Variants in ASB11 observed in about 807,000 individuals in gnomAD.
ASB11 encodes the protein ankyrin repeat and SOCS box containing 11.
In ASB11, 17 loss-of-function variants were observed where a neutral mutation model predicts 20.1. The observed-to-expected ratio is 0.85, with a 90% CI of 0.58 to 1.27. ASB11 has a LOEUF of 1.27. Ranked by LOEUF, ASB11 falls within the 50% of genes most tolerant of loss-of-function variation. ASB11 has a pLI of 0.00. For missense variants in ASB11, 259 were observed against 256.9 expected, an observed-to-expected ratio of 1.01 and a Z score of -0.06; for synonymous variants, 107 against 105.6, an observed-to-expected ratio of 1.01 and a Z score of -0.08.
Position 15,287,880 on chromosome X carries a change from C to A in ASB11, c.847+1G>T, listed in dbSNP as rs61756318. 1 of 1,200,191 alleles carries A rather than the reference C, an allele frequency of 8.3e-7. No homozygotes were observed. The highest frequency in any genetic ancestry group is 1.8e-5 in the South Asian group (1 of 54,886). ...GGAATGGATACCCAGCCCTTGGTTACCTTCACGGAGCAAGAGTGCCTGCTC... is the reference window on the plus strand; with the variant it reads ...GGAATGGATACCCAGCCCTTGGTTAACTTCACGGAGCAAGAGTGCCTGCTC... On this transcript the variant is annotated splice_donor_variant, in intron 6 of 6. Transcript: ENST00000480796. LOFTEE classifies it high-confidence loss of function.
In ASB11 at chrX:15,288,084, A is replaced by G; in HGVS notation, c.656-12T>C. ...GTCGACACTGGCTCCTTAACAAAAC[A>G]GATGGCCACAATTCAACACTAAATG... On this transcript the variant is annotated splice_polypyrimidine_tract_variant and intron_variant, in intron 5 of 6. Coordinates refer to ENST00000480796, the MANE Select transcript of ASB11 (RefSeq NM_080873.3). 1 of 1,197,391 alleles carries G rather than the reference A, an allele frequency of 8.4e-7. No homozygotes were observed. The highest frequency in any genetic ancestry group is 1.1e-6 in the Non-Finnish European group (1 of 887,268).
chrX:15,297,567 T>TACTC lies in ASB11; in HGVS notation c.369+3_369+6dup. 1.7e-6 allele frequency: 2 copies of TACTC among 1,175,487 alleles called. No homozygotes were observed. Among genetic ancestry groups the TACTC allele is most frequent in the African/African-American group, 3.5e-5 (2 of 56,573 alleles). On this transcript the variant is annotated splice_region_variant and intron_variant, in intron 3 of 6. Transcript: ENST00000480796. ...GACAGACCCAAGTGGGCAGGGGCAG[T>TACTC]ACTCACGTGTGCACCATTTTCCAAT...
chrX:15,309,113 C>T (rs1034377397), intron 1 of ASB11, among the ~76,000 whole-genome samples: 6 of 110,861 alleles, frequency 5.4e-5, no homozygotes, highest in South Asian at 3.9e-4. Context: ...GACGGGATTT[C>T]GCCATGTTGC....
intron 4 of ASB11, among the ~76,000 whole-genome samples, chrX:15,290,478 T>C (rs1209165139): frequency 1.8e-5 from 2 of 112,327 alleles, no homozygotes; most frequent in Non-Finnish European, 3.8e-5. Context: ...AAGTCTTAAG[T>C]ATAGAATATA....
chrX:15,301,239 A>G (rs1393251910), intron 2 of ASB11, among the ~76,000 whole-genome samples: 1 of 112,059 alleles, frequency 8.9e-6, no homozygotes, highest in East Asian at 2.8e-4. Context: ...CTAGGATTAC[A>G]GGCGTGAGCC....
At chrX:15,292,393 C>T (rs577103728) in intron 4 of ASB11, among the ~76,000 whole-genome samples, 2 of 112,157 alleles carry the variant, frequency 1.8e-5, no homozygotes, top group East Asian at 5.6e-4. Flanking sequence ...TATAAGAGAA[C>T]AACTCCCTCA....
intron 6 of ASB11, among the ~76,000 whole-genome samples, chrX:15,284,207 G>T (rs561464890): frequency 9.7e-6 from 1 of 103,336 alleles, no homozygotes; most frequent in Non-Finnish European, 2.0e-5. Flanking sequence ...AGCCGAGATC[G>T]GGCCACTGCA....
In ASB11 at chrX:15,297,596, G is replaced by A. The variant is rs749467059; in HGVS notation, c.347C>T (p.Ala116Val). Residue 116 changes from alanine to valine, a missense_variant, in exon 3 of 7, where the codon GCC becomes GTC. Physicochemically the swap from Ala to Val is moderately conservative, Grantham distance 64 (BLOSUM62 0). Transcript: ENST00000480796. ...CACGTGTGCACCATTTTCCAATAAG[G>A]CTTTGGCACAGGCCACGTGACCTCC... Reference protein sequence around the residue: ...CLGGHVACAKALLENGAHVNG... With the variant: ...CLGGHVACAKVLLENGAHVNG... The A allele has an allele frequency of 5.0e-6, 6 of 1,201,976 alleles. No homozygotes were observed. The highest frequency in any genetic ancestry group is 6.7e-6 in the Non-Finnish European group (6 of 890,738).
chrX:15,307,972 G>T (rs1318709057), intron 1 of ASB11, among the ~76,000 whole-genome samples: 1 of 111,820 alleles, frequency 8.9e-6, no homozygotes, highest in Non-Finnish European at 1.9e-5. Flanking sequence ...CCACTCCCAG[G>T]GCAGGGTATG....
Position 15,287,937 on chromosome X carries a change from G to A in ASB11, c.791C>T (p.Ala264Val), listed in dbSNP as rs764279966. 1.1e-5 allele frequency: 13 copies of A among 1,211,283 alleles called. No homozygotes were observed. The South Asian group carries it at 1.9e-4, about 18-fold the overall frequency. ...GCTTTTTGGAGCCGCCAGATCAAGC[G>A]CACTTTTGCCCTGAGCATTTCTACG... ...LKRRNAQGKSALDLAAPKSSV... is the reference protein window; with the variant it reads ...LKRRNAQGKSVLDLAAPKSSV... Residue 264 changes from alanine (A) to valine (V), a missense_variant, in exon 6 of 7, where the codon GCG becomes GTG. Coordinates refer to ENST00000480796, the MANE Select transcript of ASB11 (RefSeq NM_080873.3).
chrX:15,295,538 C>G lies in ASB11; in HGVS notation c.369+2036G>C, dbSNP rs73189537. On this transcript the variant is annotated intron_variant, in intron 3 of 6. Transcript: ENST00000480796. ...CCAAGAGGATGTTTCTTTCACCAGG[C>G]CTCTGAAACTAGGAACCCAAGATGA... Among the ~76,000 whole-genome samples the G allele has an allele frequency of 1.7e-3, 190 of 111,206 alleles. 1 individual carries two copies. Among genetic ancestry groups the G allele is most frequent in the Non-Finnish European group, 3.2e-3 (168 of 53,014 alleles).
chrX:15,307,223 C>G, intron 1 of ASB11, among the ~76,000 whole-genome samples: 1 of 112,305 alleles, frequency 8.9e-6, no homozygotes, highest in Non-Finnish European at 1.9e-5. Flanking sequence ...AGACTCAAGT[C>G]ATATACACAA....
rs1296297006 is a variant in ASB11, at chrX:15,293,306, T to G, written c.384A>C (p.Thr128=). The change falls in exon 4 of 7, where the codon ACA becomes ACC. Residue 128 remains threonine (T), a synonymous_variant. Coordinates refer to ENST00000480796, the MANE Select transcript of ASB11 (RefSeq NM_080873.3). ...TGAAGAGGGGTGTGGCTCCGTGAACTGTCACTCCATTGACCTAATGATGGG... is the reference window on the plus strand; with the variant it reads ...TGAAGAGGGGTGTGGCTCCGTGAACGGTCACTCCATTGACCTAATGATGGG... ...LENGAHVNGV[T]VHGATPLFNA... The G allele has an allele frequency of 8.3e-7, 1 of 1,206,805 alleles. No individual in the cohort carries two copies. Among genetic ancestry groups the G allele is most frequent in the Non-Finnish European group, 1.1e-6 (1 of 893,865 alleles).
At chrX:15,295,423 A>T (rs1392908503) in intron 3 of ASB11, among the ~76,000 whole-genome samples, 1 of 112,312 alleles carries the variant, frequency 8.9e-6, no homozygotes, top group African/African-American at 3.2e-5. Flanking sequence ...CTTGGGAAAA[A>T]CTTAGAAAGT....
intron 2 of ASB11, among the ~76,000 whole-genome samples, chrX:15,302,196 C>G (rs762793614): frequency 9.0e-6 from 1 of 111,443 alleles, no homozygotes; most frequent in Non-Finnish European, 1.9e-5. Context: ...GAAAGCAGAT[C>G]CTGCCCGCCT....
chrX:15,294,990 T>C (rs2147692443), intron 3 of ASB11, among the ~76,000 whole-genome samples: 1 of 112,068 alleles, frequency 8.9e-6, no homozygotes, highest in East Asian at 2.8e-4. Flanking sequence ...AACAATTGCC[T>C]CTCCTTGAGT....
At chrX:15,306,046 GT>G (rs1921235402) in intron 1 of ASB11, among the ~76,000 whole-genome samples, 1 of 111,883 alleles carries the variant, frequency 8.9e-6, no homozygotes, top group Admixed American at 9.5e-5. Flanking sequence ...GTTCCTGTTA[GT>G]TTTCTAAGGA....
At chrX:15,298,039 T>C (rs1319817872) in intron 2 of ASB11, among the ~76,000 whole-genome samples, 1 of 112,049 alleles carries the variant, frequency 8.9e-6, no homozygotes, top group Non-Finnish European at 1.9e-5. Flanking sequence ...GAGCAGGTAA[T>C]GTACTAGGAC....
In ASB11 at chrX:15,281,917, C is replaced by G. The variant is rs1215897055; in HGVS notation, c.*1588G>C. On this transcript the variant is annotated 3_prime_UTR_variant, in exon 7 of 7. Transcript: ENST00000480796. ...TTCACCATAGTGGCCAGGCGGTTCTCGAACTCCTGACAGTGCGATCTGCCT... is the reference window on the plus strand; with the variant it reads ...TTCACCATAGTGGCCAGGCGGTTCTGGAACTCCTGACAGTGCGATCTGCCT... 9.0e-6 allele frequency: 1 copy of G among 111,190 alleles called. No individual in the cohort carries two copies. Among genetic ancestry groups the G allele is most frequent in the Non-Finnish European group, 1.9e-5 (1 of 53,073 alleles). The allele number at this position is 111,190 out of a possible 1,213,427, so 9.2% of individuals were successfully genotyped here.
Sources: allele counts gnomAD v4.1 joint callset (sites outside exome capture counted in the v4.1 genomes callset), GRCh38; gene constraint gnomAD v4.1.1; transcripts MANE v1.5; gene names NCBI Gene and HGNC (gene_info 2026-07-23, HGNC 2026-07-21).